Variants in TIPIN observed in about 807,000 individuals in gnomAD.
TIPIN encodes the protein TIMELESS interacting protein, also known as TIMELESS-interacting protein.
A neutral mutation model predicts 35.6 loss-of-function variants in TIPIN; 29 were observed. The observed-to-expected ratio is 0.82, with a 90% CI of 0.61 to 1.11. TIPIN has a LOEUF of 1.11. Among genes scored for constraint, TIPIN ranks in the 50% most tolerant of loss-of-function variants. The pLI, the probability that TIPIN is intolerant of heterozygous loss-of-function variation, is 0.00. For missense variants in TIPIN, 296 were observed against 345.4 expected, an observed-to-expected ratio of 0.86 and a Z score of 1.13; for synonymous variants, 102 against 121.5, an observed-to-expected ratio of 0.84 and a Z score of 1.06.
chr15:66,344,072 A>G (rs1382700120), intron 6 of TIPIN, among the ~76,000 whole-genome samples: 4 of 152,192 alleles, frequency 2.6e-5, no homozygotes, highest in East Asian at 1.9e-4. Context: ...TTCTAAATCA[A>G]TAAGAAAATA....
At chr15:66,383,574 C>G in intron 1 of TIPIN, 1 of 984,968 alleles carries the variant, frequency 1.0e-6, no homozygotes. Context: ...GCCTTCAATT[C>G]ACTTTTTAAT....
At chr15:66,367,472 G>T (rs997836621) in intron 1 of TIPIN, among the ~76,000 whole-genome samples, 3 of 150,650 alleles carry the variant, frequency 2.0e-5, no homozygotes, top group Non-Finnish European at 4.4e-5. Context: ...TCGGCTCACT[G>T]CAACCTCTGA....
At chr15:66,383,137 G>A (rs1427909628) in intron 1 of TIPIN, 1 of 302,458 alleles carries the variant, frequency 3.3e-6, no homozygotes, top group East Asian at 1.7e-4. Flanking sequence ...ACACAGAGTG[G>A]AAGTGAGGCC....
chr15:66,340,843 T>C (rs1453438405), intron 7 of TIPIN, among the ~76,000 whole-genome samples: 1 of 151,544 alleles, frequency 6.6e-6, no homozygotes, highest in East Asian at 2.0e-4. Context: ...GCGATCCACC[T>C]ACCTTGGCCT....
At chr15:66,357,867 T>A (rs541909985), upstream of TIPIN, among the ~76,000 whole-genome samples, 8 of 151,620 alleles carry the variant, frequency 5.3e-5, no homozygotes, top group East Asian at 9.7e-4. Context: ...GAGGCAGGAG[T>A]ATCACTTGAA....
chr15:66,381,270 T>A (rs1331786211), intron 1 of TIPIN, among the ~76,000 whole-genome samples: 1 of 152,036 alleles, frequency 6.6e-6, no homozygotes, highest in African/African-American at 2.4e-5. Flanking sequence ...ACCCTGTCTC[T>A]ACTAAAAATA....
intron 1 of TIPIN, among the ~76,000 whole-genome samples, chr15:66,378,519 T>G (rs1007179334): frequency 6.6e-6 from 1 of 152,320 alleles, no homozygotes; most frequent in Non-Finnish European, 1.5e-5. Flanking sequence ...TTACCATTTG[T>G]GTACTTATAT....
intron 1 of TIPIN, among the ~76,000 whole-genome samples, chr15:66,378,061 A>G (rs766824359): frequency 6.6e-6 from 1 of 151,760 alleles, no homozygotes; most frequent in African/African-American, 2.4e-5. Flanking sequence ...GCTGGAGTGC[A>G]GTGGTGTGAT....
Position 66,349,094 on chromosome 15 carries a change from G to C in TIPIN, c.441C>G (p.Leu147=). ...QTCLKRIRLD[L]PILHEDFVSN... is the part of the protein sequence containing the mutation. ...TAACAAAATCTTCATGTAAAATAGG[G>C]AGATCAAGTCGAATTCGTTTTAAAC... The change falls in exon 6 of 8, where the codon CTC becomes CTG. Residue 147 remains leucine (L), a synonymous_variant. Coordinates refer to ENST00000261881, the MANE Select transcript of TIPIN (RefSeq NM_017858.3). The C allele has an allele frequency of 1.2e-6, 2 of 1,610,492 alleles. No homozygotes were observed. Among genetic ancestry groups the C allele is most frequent in the Middle Eastern group, 2.1e-4 (1 of 4,660 alleles).
At chr15:66,361,318 C>T (rs1419907593), upstream of TIPIN, among the ~76,000 whole-genome samples, 4 of 149,120 alleles carry the variant, frequency 2.7e-5, no homozygotes, top group African/African-American at 7.4e-5. Flanking sequence ...TACAGTGGCA[C>T]GATCTCTGCT....
chr15:66,338,813 CAAAAAAA>C (rs35966273), intron 7 of TIPIN, among the ~76,000 whole-genome samples: 7 of 35,290 alleles, frequency 2.0e-4, no homozygotes, highest in African/African-American at 2.7e-4. Flanking sequence ...GACTCCGTCT[CAAAAAAA>C]AAAAAAAAAA....
intron 1 of TIPIN, among the ~76,000 whole-genome samples, chr15:66,369,376 A>G (rs1347164660): frequency 4.7e-5 from 5 of 105,588 alleles, no homozygotes; most frequent in Non-Finnish European, 7.3e-5. Flanking sequence ...TTTTTTTGAG[A>G]CAGAGTCTCG....
chr15:66,358,270 C>G (rs1056021228), upstream of TIPIN, among the ~76,000 whole-genome samples: 1 of 152,036 alleles, frequency 6.6e-6, no homozygotes, highest in African/African-American at 2.4e-5. Flanking sequence ...GGGAACTTAA[C>G]TATAATTTTT....
intron 6 of TIPIN, among the ~76,000 whole-genome samples, chr15:66,346,234 C>T (rs1203801463): frequency 6.6e-6 from 1 of 151,160 alleles, no homozygotes; most frequent in East Asian, 1.9e-4. Flanking sequence ...AAGCGTGAGC[C>T]ACTGCGCCTG....
intron 1 of TIPIN, among the ~76,000 whole-genome samples, chr15:66,381,296 A>C (rs2093317590): frequency 6.6e-6 from 1 of 151,820 alleles, no homozygotes; most frequent in South Asian, 2.1e-4. Flanking sequence ...AAATTAGCCG[A>C]GCGTGGTGGC....
At chr15:66,374,698 C>G (rs2093289945) in intron 1 of TIPIN, among the ~76,000 whole-genome samples, 1 of 152,096 alleles carries the variant, frequency 6.6e-6, no homozygotes. Flanking sequence ...TCCTGCCTCA[C>G]CCTTCCAAGT....
At chr15:66,345,125 A>G (rs2093115514) in intron 6 of TIPIN, among the ~76,000 whole-genome samples, 1 of 152,184 alleles carries the variant, frequency 6.6e-6, no homozygotes, top group Non-Finnish European at 1.5e-5. Context: ...GGATGCAACT[A>G]TAACAGTGTA....
upstream of TIPIN, among the ~76,000 whole-genome samples, chr15:66,361,401 G>T (rs1329662370): frequency 6.6e-6 from 1 of 151,026 alleles, no homozygotes; most frequent in Admixed American, 6.6e-5. Flanking sequence ...GACTACAGGC[G>T]CCCGCCACCA....
chr15:66,369,393 C>T (rs1471728237), intron 1 of TIPIN, among the ~76,000 whole-genome samples: 5 of 124,574 alleles, frequency 4.0e-5, no homozygotes, highest in South Asian at 2.6e-4. Context: ...CTCGCTCTGT[C>T]GCCCAGGCTG....
Sources: allele counts gnomAD v4.1 joint callset (sites outside exome capture counted in the v4.1 genomes callset), GRCh38; gene constraint gnomAD v4.1.1; transcripts MANE v1.5; gene names NCBI Gene and HGNC (gene_info 2026-07-23, HGNC 2026-07-21).